CNTNAP2: variants seen among roughly 807,000 people sequenced by gnomAD.
CNTNAP2 encodes the protein contactin associated protein 2.
CNTNAP2 carries 98 observed loss-of-function variants against 155.2 expected under a neutral mutation model. The observed-to-expected ratio is 0.63, with a 90% CI of 0.54 to 0.75. The LOEUF is 0.75. Ranked by LOEUF, CNTNAP2 falls within the 30% of genes least tolerant of loss-of-function variation. The probability of loss-of-function intolerance (pLI) is 0.00; values close to 1 mark genes in which losing one functional copy is unlikely to be tolerated. For synonymous variants in CNTNAP2, 651 were observed against 631.2 expected (o/e 1.03, Z -0.47); for missense variants, 1,727 against 1,688.1 (o/e 1.02, Z -0.40).
Position 146,602,522 on chromosome 7 carries a change from T to A in CNTNAP2, c.98-171749T>A, listed in dbSNP as rs6958020. Among the ~76,000 whole-genome samples the A allele has an allele frequency of 7.3e-3, 1,114 of 152,334 alleles. 11 individuals carry two copies. Among genetic ancestry groups the A allele is most frequent in the African/African-American group, 0.026 (1,061 of 41,584 alleles). On this transcript the variant is annotated intron_variant, in intron 1 of 23. Transcript: ENST00000361727. ...TTCCACAAAGAATGTTTACTTGATA[T>A]TTAAAAGGAAATTAATTGTAGGCAT...
At chr7:146,425,258 A>G (rs922171578) in intron 1 of CNTNAP2, among the ~76,000 whole-genome samples, 4 of 152,146 alleles carry the variant, frequency 2.6e-5, no homozygotes, top group Non-Finnish European at 4.4e-5. Flanking sequence ...ATAGTTTACT[A>G]TTATGTCATT....
At chr7:146,121,551 A>G (rs932611244) in intron 1 of CNTNAP2, among the ~76,000 whole-genome samples, 9 of 152,162 alleles carry the variant, frequency 5.9e-5, no homozygotes, top group Non-Finnish European at 1.3e-4. Flanking sequence ...CATGTACTTT[A>G]AAGATTTTCC....
At chr7:147,202,640 C>A (rs1802945332) in intron 8 of CNTNAP2, among the ~76,000 whole-genome samples, 1 of 152,020 alleles carries the variant, frequency 6.6e-6, no homozygotes, top group African/African-American at 2.4e-5. Context: ...AGTTCACATC[C>A]TTTGCAGGGA....
intron 1 of CNTNAP2, among the ~76,000 whole-genome samples, chr7:146,447,170 G>GA (rs1295455723): frequency 6.6e-6 from 1 of 151,914 alleles, no homozygotes; most frequent in African/African-American, 2.4e-5. Context: ...ACATTTGGGG[G>GA]AACAAATGGA....
intron 1 of CNTNAP2, among the ~76,000 whole-genome samples, chr7:146,399,283 T>G (rs2129107955): frequency 6.6e-6 from 1 of 152,324 alleles, no homozygotes; most frequent in African/African-American, 2.4e-5. Context: ...TCCCATTGTC[T>G]AACTGAAATT....
intron 1 of CNTNAP2, among the ~76,000 whole-genome samples, chr7:146,381,339 T>G (rs1047229891): frequency 6.6e-6 from 1 of 152,036 alleles, no homozygotes; most frequent in Non-Finnish European, 1.5e-5. Context: ...CATAGTAGAG[T>G]TACAATATTA....
At chr7:146,731,175 T>C (rs1016588639) in intron 1 of CNTNAP2, among the ~76,000 whole-genome samples, 5 of 152,030 alleles carry the variant, frequency 3.3e-5, no homozygotes, top group Admixed American at 3.3e-4. Flanking sequence ...CCTGGCTGTG[T>C]CCAGATTGTA....
intron 21 of CNTNAP2, among the ~76,000 whole-genome samples, chr7:148,322,427 G>A (rs1797809629): frequency 6.6e-6 from 1 of 152,128 alleles, no homozygotes; most frequent in African/African-American, 2.4e-5. Flanking sequence ...CCAAATTTTT[G>A]TTATAAAATA....
chr7:148,301,052 T>C (rs534729048), intron 21 of CNTNAP2, among the ~76,000 whole-genome samples: 147 of 152,068 alleles, frequency 9.7e-4, no homozygotes, highest in African/African-American at 3.4e-3. Flanking sequence ...TCCCAGCACT[T>C]TGGGAGGCCG....
chr7:147,251,852 CTA>C (rs1315581020), intron 8 of CNTNAP2, among the ~76,000 whole-genome samples: 5 of 152,070 alleles, frequency 3.3e-5, no homozygotes, highest in East Asian at 3.9e-4. Flanking sequence ...CTTTGAGTCT[CTA>C]TGTTTGTAGC....
chr7:147,656,040 G>A (rs996319723), intron 13 of CNTNAP2, among the ~76,000 whole-genome samples: 2 of 152,192 alleles, frequency 1.3e-5, no homozygotes, highest in Non-Finnish European at 2.9e-5. Flanking sequence ...TACGAAGAAG[G>A]CTTCTTTCCT....
At chr7:147,978,101 A>G (rs1801462729) in intron 15 of CNTNAP2, 112 bp downstream of exon 15, 1 of 1,388,640 alleles carries the variant, frequency 7.2e-7, no homozygotes, top group South Asian at 1.2e-5. Flanking sequence ...GCTCCTACAG[A>G]AACATCACAC....
At chr7:146,629,222 A>C (rs1419491679) in intron 1 of CNTNAP2, among the ~76,000 whole-genome samples, 1 of 152,150 alleles carries the variant, frequency 6.6e-6, no homozygotes, top group Non-Finnish European at 1.5e-5. Context: ...GTCCCCTGGC[A>C]GTTACCCCTC....
chr7:147,298,907 C>G (rs1220518113), intron 8 of CNTNAP2, among the ~76,000 whole-genome samples: 1 of 152,178 alleles, frequency 6.6e-6, no homozygotes, highest in Admixed American at 6.5e-5. Context: ...TGGCAGCAAG[C>G]CAGATTTCAG....
chr7:147,532,709 A>T (rs1277085407), intron 11 of CNTNAP2, among the ~76,000 whole-genome samples: 5 of 152,230 alleles, frequency 3.3e-5, no homozygotes, highest in African/African-American at 4.8e-5. Context: ...CCTCAGAATC[A>T]TGGTGGAAGG....
At chr7:146,185,258 T>A (rs1325676661) in intron 1 of CNTNAP2, among the ~76,000 whole-genome samples, 1 of 152,138 alleles carries the variant, frequency 6.6e-6, no homozygotes, top group East Asian at 1.9e-4. Context: ...TACTTTTTAG[T>A]GCGATGGCTG....
intron 1 of CNTNAP2, among the ~76,000 whole-genome samples, chr7:146,314,504 A>G (rs1381189599): frequency 6.6e-6 from 1 of 152,188 alleles, no homozygotes; most frequent in African/African-American, 2.4e-5. Flanking sequence ...TGAAGCTGAG[A>G]TAGATGCCTG....
intron 3 of CNTNAP2, among the ~76,000 whole-genome samples, chr7:147,021,799 T>G (rs548646359): frequency 6.6e-6 from 1 of 152,314 alleles, no homozygotes; most frequent in South Asian, 2.1e-4. Context: ...CTCCTAAGCT[T>G]TTAACCCCTT....
chr7:147,529,985 T>C (rs903228236), intron 11 of CNTNAP2, among the ~76,000 whole-genome samples: 2 of 152,206 alleles, frequency 1.3e-5, no homozygotes, highest in African/African-American at 2.4e-5. Flanking sequence ...CAGAATGTTA[T>C]TTTGAATATT....
Sources: gnomAD v4.1 joint callset for allele counts (sites outside exome capture counted in the v4.1 genomes callset) on GRCh38, gnomAD v4.1.1 for gene constraint, MANE v1.5 for transcripts, NCBI Gene and HGNC (gene_info 2026-07-23, HGNC 2026-07-21) for gene names.